The following FRK variants were observed in gnomAD, a reference collection of about 807,000 sequenced individuals.
FRK encodes the protein fyn related Src family tyrosine kinase, also known as tyrosine-protein kinase FRK.
A neutral mutation model predicts 56.4 loss-of-function variants in FRK; 51 were observed. That is an observed-to-expected ratio of 0.90 (90% CI 0.72 to 1.14). The LOEUF is 1.14. FRK is among the 50% of genes most tolerant of loss of function. The probability of loss-of-function intolerance (pLI) is 0.00; values close to 1 mark genes in which losing one functional copy is unlikely to be tolerated. For missense variants in FRK, 570 were observed against 601.4 expected (o/e 0.95, Z 0.55); for synonymous variants, 245 against 217.9 (o/e 1.12, Z -1.10).
At chr6:116,079,109 T>A in the FRK span, among the ~76,000 whole-genome samples, 1 of 152,268 alleles carries the variant, frequency 6.6e-6, no homozygotes, top group Admixed American at 6.5e-5. Flanking sequence ...TGGAGCGCAA[T>A]GTGCACATTT....
chr6:115,942,928 ACT>A (rs1772250378), intron 7 of FRK, 90 bp downstream of exon 7: 1 of 1,261,462 alleles, frequency 7.9e-7, no homozygotes, highest in African/African-American at 1.5e-5. Context: ...CAGCCTCATA[ACT>A]CTGCCCTCTA....
intron 2 of FRK, among the ~76,000 whole-genome samples, chr6:115,972,588 T>C (rs1370535611): frequency 6.6e-6 from 1 of 152,210 alleles, no homozygotes; most frequent in East Asian, 1.9e-4. Context: ...CCTTTCTAAA[T>C]TATTAACAAG....
At chr6:115,978,993 G>A (rs1332686983) in intron 2 of FRK, among the ~76,000 whole-genome samples, 1 of 151,070 alleles carries the variant, frequency 6.6e-6, no homozygotes, top group Non-Finnish European at 1.5e-5. Flanking sequence ...GGTCAAGGCT[G>A]CAGTGAGCCA....
chr6:115,958,703 A>AGGGGGGGGG (rs1491166566), intron 4 of FRK, among the ~76,000 whole-genome samples: 4 of 4,736 alleles, frequency 8.4e-4, no homozygotes, highest in South Asian at 0.03. Flanking sequence ...AAAGAAAGAA[A>AGGGGGGGGG]GAAGAAAGAA....
At chr6:115,994,252 C>T (rs1446953210) in intron 2 of FRK, among the ~76,000 whole-genome samples, 1 of 148,456 alleles carries the variant, frequency 6.7e-6, no homozygotes, top group Non-Finnish European at 1.5e-5. Context: ...ACACTATTGG[C>T]TTATCAAAGA....
At position 115,940,159 on chromosome 6, in the gene FRK, C is replaced by T. The variant is rs2114499475; in HGVS notation, c.*2255G>A. The stretch of plus-strand genomic sequence containing the variant: ...CTAGACCAACAGAACAGAACAGAGG[C>T]CTCAGAAATAACACCACACATCTAC... On this transcript the variant is annotated 3_prime_UTR_variant, in exon 8 of 8. Transcript: ENST00000606080. 6.6e-6 allele frequency: 1 copy of T among 152,178 alleles called. No individual in the cohort carries two copies. Among genetic ancestry groups the T allele is most frequent in the South Asian group, 2.1e-4 (1 of 4,818 alleles). The allele number at this position is 152,178 out of a possible 1,614,324, so 9.4% of individuals were successfully genotyped here. A position where few individuals can be genotyped will look rare whatever the true frequency, so the allele number is the denominator to read the frequency against.
the FRK span, among the ~76,000 whole-genome samples, chr6:116,094,247 C>G: frequency 6.6e-6 from 1 of 152,240 alleles, no homozygotes; most frequent in African/African-American, 2.4e-5. Context: ...AATCCCCCAA[C>G]AAGATGATCC....
At position 115,932,900 on chromosome 6, in the gene FRK, T is replaced by A. The variant is rs1443089731; in HGVS notation, c.*9514A>T. The A allele has an allele frequency of 6.6e-6, 1 of 152,158 alleles. No individual in the cohort carries two copies. Among genetic ancestry groups the A allele is most frequent in the Admixed American group, 6.6e-5 (1 of 15,266 alleles). The allele number at this position is 152,158 out of a possible 1,614,324, so 9.4% of individuals were successfully genotyped here. On this transcript the variant is annotated 3_prime_UTR_variant, in exon 8 of 8. Coordinates refer to ENST00000606080, the MANE Select transcript of FRK (RefSeq NM_002031.3). ...AGATATTGTGGGTAGAAGCTGAGGG[T>A]GAGCCTAGCCTGATGTTACCCCACA... is the stretch of plus-strand genomic sequence containing the variant.
chr6:116,075,760 C>A, the FRK span, among the ~76,000 whole-genome samples: 1 of 151,904 alleles, frequency 6.6e-6, no homozygotes. Flanking sequence ...AGCTGTGTGA[C>A]CTTGGCAAGT....
the FRK span, among the ~76,000 whole-genome samples, chr6:116,066,072 G>A: frequency 6.6e-6 from 1 of 152,176 alleles, no homozygotes; most frequent in African/African-American, 2.4e-5. Flanking sequence ...AACTTGATTG[G>A]ATTGAAGGAT....
intron 1 of FRK, among the ~76,000 whole-genome samples, chr6:116,043,752 G>C (rs1776822629): frequency 6.6e-6 from 1 of 152,094 alleles, no homozygotes; most frequent in South Asian, 2.1e-4. Context: ...TAGAACTGAA[G>C]GAGATAGAGA....
intron 2 of FRK, 70 bp from the exon 3 acceptor site, chr6:115,968,809 G>A: frequency 7.4e-7 from 1 of 1,354,638 alleles, no homozygotes; most frequent in Non-Finnish European, 1.0e-6. Flanking sequence ...ACTTTGTGGT[G>A]ACATTTTCAA....
chr6:116,002,415 G>A (rs1421563279), intron 2 of FRK, among the ~76,000 whole-genome samples: 1 of 152,106 alleles, frequency 6.6e-6, no homozygotes, highest in Non-Finnish European at 1.5e-5. Flanking sequence ...CCAGGAGATC[G>A]AGACCATCCT....
chr6:115,938,292 A>G lies in FRK; in HGVS notation c.*4122T>C, dbSNP rs1772087049. The stretch of plus-strand genomic sequence containing the variant: ...TTGAAACCAATGAGAACAAAAACAC[A>G]ACATACCAGAATCTCTGGGACACAT... On this transcript the variant is annotated 3_prime_UTR_variant, in exon 8 of 8. Coordinates refer to ENST00000606080, the MANE Select transcript of FRK (RefSeq NM_002031.3). 6.6e-6 allele frequency: 1 copy of G among 152,226 alleles called. No homozygotes were observed. The highest frequency in any genetic ancestry group is 1.5e-5 in the Non-Finnish European group (1 of 68,050). 9.4% of individuals were successfully genotyped at this position (152,226 alleles called of 1,614,324 possible). A position where few individuals can be genotyped will look rare whatever the true frequency, so the allele number is the denominator to read the frequency against.
At chr6:116,050,907 C>A (rs1582759739) in intron 1 of FRK, among the ~76,000 whole-genome samples, 1 of 152,176 alleles carries the variant, frequency 6.6e-6, no homozygotes, top group East Asian at 1.9e-4. Flanking sequence ...AAATTATTCT[C>A]TAGCAGTGAC....
intron 4 of FRK, among the ~76,000 whole-genome samples, chr6:115,957,862 A>T (rs992358391): frequency 6.6e-6 from 1 of 152,194 alleles, no homozygotes; most frequent in African/African-American, 2.4e-5. Flanking sequence ...AACATGCCTA[A>T]TAATTTACTG....
At chr6:116,041,055 GT>G (rs895491902) in intron 1 of FRK, among the ~76,000 whole-genome samples, 1 of 152,080 alleles carries the variant, frequency 6.6e-6, no homozygotes, top group Non-Finnish European at 1.5e-5. Context: ...TAATAATTTT[GT>G]TTTCTATCAT....
the FRK span, among the ~76,000 whole-genome samples, chr6:116,089,250 T>C: frequency 3.9e-5 from 6 of 152,222 alleles, no homozygotes; most frequent in African/African-American, 1.4e-4. Flanking sequence ...TGCATAACAT[T>C]AAGATATTGA....
chr6:116,008,304 T>A (rs1254595373), intron 1 of FRK, among the ~76,000 whole-genome samples: 1 of 152,242 alleles, frequency 6.6e-6, no homozygotes, highest in Non-Finnish European at 1.5e-5. Flanking sequence ...TGGACTTTTG[T>A]ATAATAGATT....
Sources: gnomAD v4.1 joint callset for allele counts (sites outside exome capture counted in the v4.1 genomes callset) on GRCh38, gnomAD v4.1.1 for gene constraint, MANE v1.5 for transcripts, NCBI Gene and HGNC (gene_info 2026-07-23, HGNC 2026-07-21) for gene names.